The following DYNLT5 variants were observed in gnomAD, a reference collection of about 807,000 sequenced individuals.
DYNLT5 encodes dynein light chain Tctex-type 5.
A neutral mutation model predicts 19.3 loss-of-function variants in DYNLT5; 25 were observed. That is an observed-to-expected ratio of 1.30 (90% CI 0.95 to 1.81). The LOEUF is 1.81. Among genes scored for constraint, DYNLT5 ranks in the 40% most tolerant of loss-of-function variants. The pLI is 0.00. For synonymous variants in DYNLT5, 82 were observed against 68.9 expected (o/e 1.19, Z -0.94); for missense variants, 232 against 217.9 (o/e 1.06, Z -0.41).
At chr1:66,755,206 A>G (rs188462317) in intron 2 of DYNLT5, among the ~76,000 whole-genome samples, 1 of 152,300 alleles carries the variant, frequency 6.6e-6, no homozygotes. Context: ...AAATGACTGC[A>G]TAATATTTTG....
chr1:66,765,491 C>T (rs2094653178), intron 2 of DYNLT5, among the ~76,000 whole-genome samples: 1 of 152,006 alleles, frequency 6.6e-6, no homozygotes, highest in Non-Finnish European at 1.5e-5. Flanking sequence ...ATTATTGTTA[C>T]CATCTCTAAC....
At chr1:66,764,396 A>G (rs1325287554) in intron 2 of DYNLT5, among the ~76,000 whole-genome samples, 1 of 152,166 alleles carries the variant, frequency 6.6e-6, no homozygotes, top group African/African-American at 2.4e-5. Flanking sequence ...CTGTAGGATT[A>G]TTAATTGGCC....
At position 66,756,210 on chromosome 1, in the gene DYNLT5, G is replaced by A. The variant is rs532785513; in HGVS notation, c.119+1433G>A. On this transcript the variant is annotated intron_variant, in intron 2 of 4. Transcript: ENST00000282670. ...CTACATTTAAATGATAACTATTTTG[G>A]TTTTGGACTCCCAAACAAAACATTT... 2.5e-4 allele frequency among the ~76,000 whole-genome samples: 38 copies of A among 152,172 alleles called. 1 individual carries two copies. Among genetic ancestry groups the A allele is most frequent in the African/African-American group, 9.2e-4 (38 of 41,520 alleles).
At chr1:66,773,393 G>C (rs7545934) in intron 3 of DYNLT5, among the ~76,000 whole-genome samples, 18,184 of 152,114 alleles carry the variant, frequency 0.12, 1,157 homozygotes, top group South Asian at 0.16. Context: ...TTTTCTTAGA[G>C]CCTGTCAATC....
chr1:66,759,122 C>A (rs1209170330), intron 2 of DYNLT5, among the ~76,000 whole-genome samples: 2 of 152,188 alleles, frequency 1.3e-5, no homozygotes, highest in Non-Finnish European at 2.9e-5. Flanking sequence ...ATTTCACATA[C>A]AATATCTGTG....
intron 3 of DYNLT5, among the ~76,000 whole-genome samples, chr1:66,772,139 G>A (rs75112499): frequency 0.075 from 11,362 of 152,046 alleles, 935 homozygotes; most frequent in African/African-American, 0.21. Context: ...GTATTAGTCC[G>A]TTTTTGCATT....
At chr1:66,773,681 C>T (rs1645216901) in intron 3 of DYNLT5, among the ~76,000 whole-genome samples, 1 of 151,852 alleles carries the variant, frequency 6.6e-6, no homozygotes, top group South Asian at 2.1e-4. Context: ...TTATTATTAC[C>T]CCAATGTGGG....
intron 2 of DYNLT5, among the ~76,000 whole-genome samples, chr1:66,757,199 G>C (rs2094637439): frequency 6.6e-6 from 1 of 152,176 alleles, no homozygotes; most frequent in Non-Finnish European, 1.5e-5. Flanking sequence ...TTGAAAAGCT[G>C]CTTCTTATAT....
chr1:66,761,132 T>C (rs1402158216), intron 2 of DYNLT5, among the ~76,000 whole-genome samples: 2 of 152,178 alleles, frequency 1.3e-5, no homozygotes. Flanking sequence ...GTGAGTAAAA[T>C]ACCTAAAAAC....
intron 2 of DYNLT5, among the ~76,000 whole-genome samples, chr1:66,768,961 A>T (rs867344168): frequency 3.9e-5 from 6 of 152,316 alleles, no homozygotes; most frequent in African/African-American, 1.2e-4. Context: ...ACTTACCTCA[A>T]AGGATATTGT....
chr1:66,760,437 G>A (rs1400946700), intron 2 of DYNLT5, among the ~76,000 whole-genome samples: 3 of 152,100 alleles, frequency 2.0e-5, no homozygotes, highest in Non-Finnish European at 2.9e-5. Context: ...TTTTGCTCAC[G>A]AACAAGTTAG....
At chr1:66,772,138 C>T (rs1028571252) in intron 3 of DYNLT5, among the ~76,000 whole-genome samples, 5 of 151,996 alleles carry the variant, frequency 3.3e-5, no homozygotes, top group Admixed American at 6.6e-5. Context: ...TGTATTAGTC[C>T]GTTTTTGCAT....
intron 2 of DYNLT5, among the ~76,000 whole-genome samples, chr1:66,766,966 C>T (rs2094656411): frequency 6.6e-6 from 1 of 152,026 alleles, no homozygotes; most frequent in African/African-American, 2.4e-5. Flanking sequence ...AGGGGAACGA[C>T]AGATACTGGG....
chr1:66,778,836 T>C lies in DYNLT5; in HGVS notation c.*1382T>C, dbSNP rs1408278724. 1.3e-5 allele frequency: 2 copies of C among 152,108 alleles called. No individual in the cohort carries two copies. Among genetic ancestry groups the C allele is most frequent in the Non-Finnish European group, 2.9e-5 (2 of 68,024 alleles). 9.4% of individuals were successfully genotyped at this position (152,108 alleles called of 1,614,324 possible). On this transcript the variant is annotated 3_prime_UTR_variant, in exon 5 of 5. Transcript: ENST00000282670. ...TTTTCTGTTAGTGCATTAGTGGGAA[T>C]ATGTCTATGTAATAATTTATCACAA...
intron 2 of DYNLT5, among the ~76,000 whole-genome samples, chr1:66,759,756 C>T (rs1200248554): frequency 6.6e-6 from 1 of 152,138 alleles, no homozygotes; most frequent in Non-Finnish European, 1.5e-5. Context: ...GAGAGTAAAA[C>T]CTGATATCGC....
chr1:66,775,465 T>G (rs963888325), intron 3 of DYNLT5: 1 of 152,250 alleles, frequency 6.6e-6, no homozygotes, highest in Admixed American at 6.5e-5. Flanking sequence ...TAAAATTTAA[T>G]TCTATTTAAA....
intron 2 of DYNLT5, among the ~76,000 whole-genome samples, chr1:66,765,035 A>T (rs538711387): frequency 2.0e-5 from 3 of 152,306 alleles, no homozygotes; most frequent in African/African-American, 7.2e-5. Context: ...TCTTATTTTT[A>T]TCTGTGTTAC....
chr1:66,776,483 G>T (rs1219832631), intron 4 of DYNLT5, 80 bp downstream of exon 4: 6 of 1,487,490 alleles, frequency 4.0e-6, no homozygotes, highest in Non-Finnish European at 5.4e-6. Context: ...CTTTTTTGAT[G>T]AGGGGAATTA....
chr1:66,776,463 G>A (rs1351929207), intron 4 of DYNLT5, 60 bp downstream of exon 4: 24 of 1,526,934 alleles, frequency 1.6e-5, no homozygotes, highest in African/African-American at 8.4e-5. Flanking sequence ...AAAGTACAAC[G>A]GACCCTCTAC....
Sources: gnomAD v4.1 joint callset for allele counts (sites outside exome capture counted in the v4.1 genomes callset) on GRCh38, gnomAD v4.1.1 for gene constraint, MANE v1.5 for transcripts, NCBI Gene and HGNC (gene_info 2026-07-23, HGNC 2026-07-21) for gene names.